The following FBRSL1 variants were observed in gnomAD, a reference collection of about 807,000 sequenced individuals.
FBRSL1 encodes fibrosin like 1, also known as fibrosin-1-like protein.
A neutral mutation model predicts 89.6 loss-of-function variants in FBRSL1; 51 were observed. That is an observed-to-expected ratio of 0.57 (90% CI 0.45 to 0.72). The LOEUF is 0.72. Among genes scored for constraint, FBRSL1 ranks in the 30% least tolerant of loss-of-function variants. The pLI, the probability that FBRSL1 is intolerant of heterozygous loss-of-function variation, is 0.00. For missense variants in FBRSL1, 1,618 were observed against 1,451.8 expected (o/e 1.11, Z -1.86); for synonymous variants, 779 against 681.1 (o/e 1.14, Z -2.24).
At chr12:132,577,466 A>G (rs969838451) in intron 15 of FBRSL1, among the ~76,000 whole-genome samples, 1 of 152,070 alleles carries the variant, frequency 6.6e-6, no homozygotes, top group Non-Finnish European at 1.5e-5. Flanking sequence ...CCTTCCTCAC[A>G]TGCATGGTTG....
intron 2 of FBRSL1, chr12:132,511,524 G>A: frequency 2.0e-6 from 2 of 986,016 alleles, no homozygotes; most frequent in South Asian, 4.7e-5. Context: ...GGGGTGTTTG[G>A]GGGGGCTTTG....
chr12:132,542,343 G>A (rs936147145), intron 4 of FBRSL1, among the ~76,000 whole-genome samples: 10 of 152,224 alleles, frequency 6.6e-5, no homozygotes, highest in Non-Finnish European at 1.3e-4. Flanking sequence ...CCAGCAGCTC[G>A]GCCTCTCACC....
chr12:132,509,050 C>T (rs1468804373), intron 2 of FBRSL1: 1 of 1,211,270 alleles, frequency 8.3e-7, no homozygotes, highest in African/African-American at 1.6e-5. Context: ...CTCCTCGGCC[C>T]CCTTGGGAAT....
At chr12:132,528,059 G>C (rs371492533) in intron 4 of FBRSL1, 71 bp downstream of exon 4, 18 of 1,394,064 alleles carry the variant, frequency 1.3e-5, no homozygotes, top group Non-Finnish European at 1.7e-5. Flanking sequence ...CACCTCACCT[G>C]TCCGAGGCCC....
At chr12:132,494,840 T>C (rs1381890218) in intron 1 of FBRSL1, among the ~76,000 whole-genome samples, 5 of 152,198 alleles carry the variant, frequency 3.3e-5, no homozygotes, top group Non-Finnish European at 7.3e-5. Context: ...CCTGGCTCGG[T>C]GGCCAGCGGT....
At chr12:132,571,363 C>T (rs775751741) in intron 9 of FBRSL1, 132 bp downstream of exon 9, 184 of 1,550,460 alleles carry the variant, frequency 1.2e-4, no homozygotes, top group Middle Eastern at 3.3e-4. Context: ...GAGCGCCGAG[C>T]GGCCTGGCGC....
chr12:132,539,692 TC>T (rs2037074400), intron 4 of FBRSL1, among the ~76,000 whole-genome samples: 2 of 104,260 alleles, frequency 1.9e-5, no homozygotes, highest in African/African-American at 4.0e-5. Context: ...AGTCCTGCCT[TC>T]CAGCCCCATG....
intron 5 of FBRSL1, chr12:132,551,526 C>T (rs1021597238): frequency 4.4e-6 from 2 of 456,194 alleles, no homozygotes; most frequent in African/African-American, 2.0e-5. Flanking sequence ...GGCCAGTGCA[C>T]TTCACATCTC....
At position 132,564,696 on chromosome 12, in the gene FBRSL1, CGTGTTAGCCAGG is replaced by C. The variant is rs2039452925; in HGVS notation, c.646-2784_646-2773del. On this transcript the variant is annotated intron_variant, in intron 5 of 18. Coordinates refer to ENST00000680143, the MANE Select transcript of FBRSL1 (RefSeq NM_001367871.1). The stretch of plus-strand genomic sequence containing the variant: ...ATTTTTAGTAGAGACGGGGTTTCAC[CGTGTTAGCCAGG>C]ATGGTCTCGATCTCCTGACCTCGTG... Among the ~76,000 whole-genome samples the C allele has an allele frequency of 2.2e-5, 2 of 92,008 alleles. 1 individual carries two copies. Among genetic ancestry groups the C allele is most frequent in the African/African-American group, 1.2e-4 (2 of 16,324 alleles). 60.4% of individuals were successfully genotyped at this position (92,008 alleles called of 152,430 possible). A position where few individuals can be genotyped will look rare whatever the true frequency, so the allele number is the denominator to read the frequency against.
At chr12:132,569,567 G>A (rs1195378845) in intron 6 of FBRSL1, among the ~76,000 whole-genome samples, 1 of 152,166 alleles carries the variant, frequency 6.6e-6, no homozygotes, top group Non-Finnish European at 1.5e-5. Flanking sequence ...CCAAGTCCTT[G>A]ATGTATCTTG....
intron 5 of FBRSL1, 65 bp downstream of exon 5, chr12:132,548,097 C>T (rs1324801438): frequency 2.6e-6 from 4 of 1,532,122 alleles, no homozygotes; most frequent in Admixed American, 3.9e-5. Flanking sequence ...GACCTTGGCC[C>T]TGTGAGGTGG....
intron 1 of FBRSL1, among the ~76,000 whole-genome samples, chr12:132,491,549 G>A (rs1314972918): frequency 1.3e-5 from 2 of 152,228 alleles, no homozygotes; most frequent in African/African-American, 2.4e-5. Flanking sequence ...CACCAGGGCC[G>A]AGACCCGCCC....
intron 18 of FBRSL1, among the ~76,000 whole-genome samples, chr12:132,582,758 G>C (rs1364836410): frequency 6.6e-6 from 1 of 152,106 alleles, no homozygotes; most frequent in African/African-American, 2.4e-5. Context: ...GGCTCATCCC[G>C]CTTCCGTCTC....
intron 2 of FBRSL1, among the ~76,000 whole-genome samples, chr12:132,515,506 TCTTAAGGTTTTAC>T (rs1323123173): frequency 6.7e-6 from 1 of 149,178 alleles, no homozygotes; most frequent in Admixed American, 6.7e-5. Flanking sequence ...AGGTCTAGAA[TCTTAAGGTTTTAC>T]CTTAAGAAAC....
Position 132,570,511 on chromosome 12 carries a change from G to A in FBRSL1, c.1184G>A (p.Ser395Asn). ...CCCCCGCCCCCGGCGCTGCCGGCCA[G>A]CAGCCTGGTCCTCCCAGGACACCCG... Reference protein sequence around the residue: ...TLPPPPALPASSLVLPGHPAD... With the variant: ...TLPPPPALPANSLVLPGHPAD... Residue 395 changes from serine (S) to asparagine (N), a missense_variant, in exon 8 of 19, where the codon AGC (serine) becomes AAC (asparagine). Ser to Asn is a conservative substitution (Grantham distance 46, BLOSUM62 1). Transcript: ENST00000680143. The A allele has an allele frequency of 6.6e-7, 1 of 1,525,668 alleles. No homozygotes were observed. Among genetic ancestry groups the A allele is most frequent in the Non-Finnish European group, 8.8e-7 (1 of 1,141,766 alleles). The allele number at this position is 1,525,668 out of a possible 1,614,324, so 94.5% of individuals were successfully genotyped here. A position where few individuals can be genotyped will look rare whatever the true frequency, so the allele number is the denominator to read the frequency against.
In FBRSL1 at chr12:132,561,233, AGTGTAGGGCCCACT is replaced by A. The variant is rs559531378; in HGVS notation, c.646-6244_646-6231del. On this transcript the variant is annotated intron_variant, in intron 5 of 18. Coordinates refer to ENST00000680143, the MANE Select transcript of FBRSL1 (RefSeq NM_001367871.1). ...CCTCCCTGAGCAAACTCGTCTGCTAAGTGTAGGGCCCACTGTGGCGTGACCAGAATGGGTGCTGG... is the reference window on the plus strand; with the variant it reads ...CCTCCCTGAGCAAACTCGTCTGCTAAGTGGCGTGACCAGAATGGGTGCTGG... Among the ~76,000 whole-genome samples, 474 of 152,324 alleles carry A rather than the reference AGTGTAGGGCCCACT, an allele frequency of 3.1e-3. 2 individuals are homozygous for A. The highest frequency in any genetic ancestry group is 6.8e-3 in the Middle Eastern group (2 of 294).
Position 132,490,816 on chromosome 12 carries a change from C to G in FBRSL1, c.246C>G (p.Ile82Met). 1 of 1,407,958 alleles carries G rather than the reference C, an allele frequency of 7.1e-7. No homozygotes were observed. Among genetic ancestry groups the G allele is most frequent in the Non-Finnish European group, 9.3e-7 (1 of 1,076,146 alleles). 87.2% of individuals were successfully genotyped at this position (1,407,958 alleles called of 1,614,324 possible). ...RESSSQEEEV[I>M]DGFAIASFST... Reference sequence around the variant, plus strand: ...CCAGCTCGCAGGAGGAGGAGGTCATCGACGGCTTCGCCATCGCCAGCTTCA... The same window carrying G: ...CCAGCTCGCAGGAGGAGGAGGTCATGGACGGCTTCGCCATCGCCAGCTTCA... Residue 82 changes from isoleucine to methionine, a missense_variant, in exon 1 of 19, where the codon ATC (isoleucine) becomes ATG (methionine). Coordinates refer to ENST00000680143, the MANE Select transcript of FBRSL1 (RefSeq NM_001367871.1).
At chr12:132,525,370 T>C (rs1190971190) in intron 2 of FBRSL1, among the ~76,000 whole-genome samples, 1 of 152,216 alleles carries the variant, frequency 6.6e-6, no homozygotes, top group East Asian at 1.9e-4. Flanking sequence ...ACCCCCAGGA[T>C]GCCTTCAAAG....
intron 2 of FBRSL1, chr12:132,511,439 C>T: frequency 2.0e-6 from 2 of 986,086 alleles, no homozygotes. Flanking sequence ...GTTGCCACCC[C>T]CTCAGGACCT....
Sources: allele counts gnomAD v4.1 joint callset (sites outside exome capture counted in the v4.1 genomes callset), GRCh38; gene constraint gnomAD v4.1.1; transcripts MANE v1.5; gene names NCBI Gene and HGNC (gene_info 2026-07-23, HGNC 2026-07-21).